The following EPSTI1 variants were observed in gnomAD, a reference collection of about 807,000 sequenced individuals.
EPSTI1 encodes the protein epithelial-stromal interaction protein 1.
A neutral mutation model predicts 49.9 loss-of-function variants in EPSTI1; 66 were observed. The observed-to-expected ratio is 1.32, with a 90% confidence interval of 1.08 to 1.62. The LOEUF is 1.62. Among genes scored for constraint, EPSTI1 ranks in the 40% most tolerant of loss-of-function variants. The pLI is 0.00. For missense variants in EPSTI1, 394 were observed against 365.5 expected (o/e 1.08, Z -0.64); for synonymous variants, 137 against 130.7 (o/e 1.05, Z -0.33).
At position 42,886,680 on chromosome 13, in the gene EPSTI1, G is replaced by A. The variant is rs2036875702; in HGVS notation, c.*1814C>T. The A allele has an allele frequency of 6.6e-6, 1 of 152,066 alleles. No homozygotes were observed. The highest frequency in any genetic ancestry group is 1.5e-5 in the Non-Finnish European group (1 of 68,024). The allele number at this position is 152,066 out of a possible 1,614,324, so 9.4% of individuals were successfully genotyped here. A position where few individuals can be genotyped will look rare whatever the true frequency, so the allele number is the denominator to read the frequency against. On this transcript the variant is annotated 3_prime_UTR_variant, in exon 11 of 11. Coordinates refer to ENST00000313624, the MANE Select transcript of EPSTI1 (RefSeq NM_033255.5). The stretch of plus-strand genomic sequence containing the variant: ...GGCAGCAAGTCTTGCTTCTCTCCTG[G>A]TTACCTCTGCCTACATAGATATTTG...
chr13:42,917,133 G>A (rs1301467359), intron 8 of EPSTI1, among the ~76,000 whole-genome samples: 1 of 152,150 alleles, frequency 6.6e-6, no homozygotes, highest in Non-Finnish European at 1.5e-5. Context: ...GAACATTTAT[G>A]CCAGTTTCAT....
intron 1 of EPSTI1, among the ~76,000 whole-genome samples, chr13:42,974,696 G>A (rs997471040): frequency 2.6e-5 from 4 of 151,820 alleles, no homozygotes; most frequent in Admixed American, 6.6e-5. Context: ...GAGGTCTCTC[G>A]AGTTACACAA....
chr13:42,926,252 A>C, intron 7 of EPSTI1, 84 bp downstream of exon 7: 2 of 833,082 alleles, frequency 2.4e-6, no homozygotes, highest in South Asian at 2.7e-5. Context: ...TATGATGTAC[A>C]AGTCACTCTA....
intron 8 of EPSTI1, among the ~76,000 whole-genome samples, chr13:42,916,267 T>G (rs2037827330): frequency 3.7e-5 from 2 of 54,084 alleles, no homozygotes. Flanking sequence ...AAAAAGATAT[T>G]TATTTAAAAA....
intron 8 of EPSTI1, among the ~76,000 whole-genome samples, chr13:42,901,766 AT>A (rs557007959): frequency 1.4e-3 from 217 of 151,742 alleles, no homozygotes; most frequent in Admixed American, 3.3e-3. Flanking sequence ...TCATTTCTTA[AT>A]TTTTTTTTAT....
At chr13:42,915,622 A>C (rs934810064) in intron 8 of EPSTI1, among the ~76,000 whole-genome samples, 1 of 152,226 alleles carries the variant, frequency 6.6e-6, no homozygotes, top group East Asian at 1.9e-4. Context: ...GAATAGATGG[A>C]TAAGTATCCT....
chr13:42,946,956 T>C (rs780037412), intron 6 of EPSTI1, among the ~76,000 whole-genome samples: 44 of 152,132 alleles, frequency 2.9e-4, no homozygotes, highest in Non-Finnish European at 7.4e-5. Flanking sequence ...ATGGAAAAAT[T>C]GCCTTCCACA....
chr13:42,905,279 A>G (rs2037467650), intron 8 of EPSTI1, among the ~76,000 whole-genome samples: 1 of 152,206 alleles, frequency 6.6e-6, no homozygotes, highest in Non-Finnish European at 1.5e-5. Flanking sequence ...AGGCATCACC[A>G]TGCAAGAACA....
In EPSTI1 at chr13:42,922,931, T is replaced by C. The variant is rs1263216437; in HGVS notation, c.657+3405A>G. Among the ~76,000 whole-genome samples, 1 of 152,192 alleles carries C rather than the reference T, an allele frequency of 6.6e-6. No homozygotes were observed. Among genetic ancestry groups the C allele is most frequent in the South Asian group, 2.1e-4 (1 of 4,820 alleles). On this transcript the variant is annotated intron_variant, in intron 7 of 10. Transcript: ENST00000313624. This position sits in a 1 kb window ranked among gnomAD's most constrained non-coding sequence, Gnocchi z 4.8. Reference sequence around the variant, plus strand: ...GGAGGTCTGCAGTGGGGCCTGAGATTGATCTGCATCTAAATCTTTGCTCCT... The same window carrying C: ...GGAGGTCTGCAGTGGGGCCTGAGATCGATCTGCATCTAAATCTTTGCTCCT...
In EPSTI1 at chr13:42,922,602, T is replaced by G. The variant is rs941300381; in HGVS notation, c.657+3734A>C. 1.3e-5 allele frequency among the ~76,000 whole-genome samples: 2 copies of G among 152,136 alleles called. No individual in the cohort carries two copies. Among genetic ancestry groups the G allele is most frequent in the Admixed American group, 6.5e-5 (1 of 15,276 alleles). ...TCCAGAAGTGTTAAGAGAATAAATT[T>G]TTGTTCTATTAGGTCACTACATTCG... On this transcript the variant is annotated intron_variant, in intron 7 of 10. Transcript: ENST00000313624. This position sits in a 1 kb window ranked among gnomAD's most constrained non-coding sequence, Gnocchi z 4.8.
chr13:42,965,310 TC>T (rs2153431732), intron 3 of EPSTI1, among the ~76,000 whole-genome samples: 1 of 152,290 alleles, frequency 6.6e-6, no homozygotes, highest in South Asian at 2.1e-4. Context: ...TCTAGAATTT[TC>T]TTTTCTACCC....
chr13:42,898,767 G>A lies in EPSTI1; in HGVS notation c.815+1543C>T, dbSNP rs768532139. On this transcript the variant is annotated intron_variant, in intron 9 of 10. Coordinates refer to ENST00000313624, the MANE Select transcript of EPSTI1 (RefSeq NM_033255.5). ...TATTTCAGCAATGGAGCCTATTAAT[G>A]TGACACATCACTGTGTTTAAGATGC... Among the ~76,000 whole-genome samples, 3 of 152,188 alleles carry A rather than the reference G, an allele frequency of 2.0e-5. No individual in the cohort carries two copies. In the South Asian group the frequency reaches 6.2e-4, roughly 31 times the overall value.
At chr13:42,916,530 T>C (rs2037836832) in intron 8 of EPSTI1, among the ~76,000 whole-genome samples, 1 of 152,216 alleles carries the variant, frequency 6.6e-6, no homozygotes, top group African/African-American at 2.4e-5. Context: ...TACAAATAGT[T>C]CATTTTTCAA....
chr13:42,892,312 A>T (rs1290931875), intron 10 of EPSTI1, among the ~76,000 whole-genome samples: 3 of 152,178 alleles, frequency 2.0e-5, no homozygotes, highest in Non-Finnish European at 4.4e-5. Context: ...TCGAGAACAG[A>T]CTGTAGGTAA....
intron 6 of EPSTI1, among the ~76,000 whole-genome samples, chr13:42,935,378 T>C (rs7338208): frequency 0.51 from 77,573 of 151,896 alleles, 19,842 homozygotes; most frequent in Middle Eastern, 0.55. Flanking sequence ...TCTGTAAAAA[T>C]CTCAAACCTA....
chr13:42,987,981 A>G lies in EPSTI1; in HGVS notation c.188+3997T>C, dbSNP rs952602927. Among the ~76,000 whole-genome samples the G allele has an allele frequency of 5.3e-5, 8 of 152,360 alleles. No homozygotes were observed. The East Asian group carries it at 1.3e-3, about 26-fold the overall frequency. On this transcript the variant is annotated intron_variant, in intron 1 of 10. Coordinates refer to ENST00000313624, the MANE Select transcript of EPSTI1 (RefSeq NM_033255.5). ...AGGCCACAAAAATGTTAAGATTAAC[A>G]TAATTTACATACAAATTCAGCTCAA...
Position 42,992,068 on chromosome 13 carries a change from T to A in EPSTI1, c.98A>T (p.Glu33Val), listed in dbSNP as rs764255829. 5.6e-6 allele frequency: 9 copies of A among 1,613,230 alleles called. No homozygotes were observed. In the East Asian group the frequency reaches 6.7e-5, roughly 12 times the overall value. Residue 33 changes from glutamate (E) to valine (V), a missense_variant, in exon 1 of 11, where the codon GAG becomes GTG. Physicochemically the swap from Glu to Val is moderately radical, Grantham distance 121. Transcript: ENST00000313624. ...TCTCTGGTCTTCCACGGGGCTCAGC[T>A]CCCCTTGCCGCCCAGAAGGGTCCTG... ...DPQDPSGRQG[E>V]LSPVEDQREG...
rs565995535 is a variant in EPSTI1, at chr13:42,898,782, G to A, written c.815+1528C>T. Among the ~76,000 whole-genome samples, 298 of 152,302 alleles carry A rather than the reference G, an allele frequency of 2.0e-3. 1 individual carries two copies. Among genetic ancestry groups the A allele is most frequent in the Middle Eastern group, 0.017 (5 of 294 alleles). On this transcript the variant is annotated intron_variant, in intron 9 of 10. Coordinates refer to ENST00000313624, the MANE Select transcript of EPSTI1 (RefSeq NM_033255.5). The stretch of plus-strand genomic sequence containing the variant: ...GCCTATTAATGTGACACATCACTGT[G>A]TTTAAGATGCTTAAAGTCTTACAAT...
chr13:42,914,363 A>T (rs2037770618), intron 8 of EPSTI1, among the ~76,000 whole-genome samples: 2 of 152,178 alleles, frequency 1.3e-5, no homozygotes, highest in Non-Finnish European at 2.9e-5. Context: ...ATGTTTGCCA[A>T]TAGAATGAAT....
Sources: allele counts gnomAD v4.1 joint callset (sites outside exome capture counted in the v4.1 genomes callset), GRCh38; gene constraint gnomAD v4.1.1; non-coding constraint Gnocchi (gnomAD v3.1); transcripts MANE v1.5; gene names NCBI Gene and HGNC (gene_info 2026-07-23, HGNC 2026-07-21).